UAP1L1: variants seen among roughly 807,000 people sequenced by gnomAD.
The protein encoded by UAP1L1 is UDP-N-acetylglucosamine pyrophosphorylase 1 like 1.
A neutral mutation model predicts 45.3 loss-of-function variants in UAP1L1; 45 were observed. That is an observed-to-expected ratio of 0.99 (90% CI 0.78 to 1.27). UAP1L1 has a LOEUF of 1.27. Ranked by LOEUF, UAP1L1 falls within the 50% of genes most tolerant of loss-of-function variation. The pLI is 0.00. For missense variants in UAP1L1, 667 were observed against 694.0 expected (o/e 0.96, Z 0.44); for synonymous variants, 323 against 303.9 (o/e 1.06, Z -0.65).
At position 137,077,720 on chromosome 9, in the gene UAP1L1, C is replaced by A. The variant is rs1339238924; in HGVS notation, c.188C>A (p.Pro63Gln). 1 of 1,166,934 alleles carries A rather than the reference C, an allele frequency of 8.6e-7. No homozygotes were observed. The highest frequency in any genetic ancestry group is 4.2e-5 in the South Asian group (1 of 23,876). 72.3% of individuals were successfully genotyped at this position (1,166,934 alleles called of 1,614,324 possible). The change falls in exon 1 of 9, where the codon CCG (proline) becomes CAG (glutamine). Residue 63 changes from proline to glutamine, a missense_variant. Transcript: ENST00000409858. This position sits in a 1 kb window ranked among gnomAD's most constrained non-coding sequence, Gnocchi z 4.7. ...AAEACARPHGPPPDLAARLRP... is the reference protein window; with the variant it reads ...AAEACARPHGQPPDLAARLRP... ...GAGGCCTGCGCGCGCCCCCACGGCC[C>A]GCCGCCCGACTTGGCCGCGCGCCTG...
In UAP1L1 at chr9:137,077,866, C is replaced by T; in HGVS notation, c.289+45C>T. The T allele has an allele frequency of 2.1e-6, 3 of 1,436,974 alleles. No individual in the cohort carries two copies. The highest frequency in any genetic ancestry group is 2.7e-6 in the Non-Finnish European group (3 of 1,099,252). The allele number at this position is 1,436,974 out of a possible 1,614,324, so 89.0% of individuals were successfully genotyped here. ...CTGGGGGCCGGCAGGGGGTCGTGCC[C>T]ACGGAGCGGGTGGGAACCGAGGCCG... is the stretch of plus-strand genomic sequence containing the variant. On this transcript the variant is annotated intron_variant, in intron 1 of 8. Transcript: ENST00000409858. The surrounding 1 kb of genome is among the most constrained non-coding windows in gnomAD (Gnocchi z 4.7).
chr9:137,078,413 C>A, intron 2 of UAP1L1, 89 bp from the exon 3 acceptor site: 1 of 1,602,872 alleles, frequency 6.2e-7, no homozygotes, highest in Non-Finnish European at 8.5e-7. Flanking sequence ...GACACTGGAC[C>A]CCGAACCCCG....
In UAP1L1 at chr9:137,078,000, G is replaced by A. The variant is rs953119081; in HGVS notation, c.290-50G>A. The A allele has an allele frequency of 2.6e-6, 4 of 1,540,198 alleles. No individual in the cohort carries two copies. Among genetic ancestry groups the A allele is most frequent in the Non-Finnish European group, 3.5e-6 (4 of 1,146,712 alleles). On this transcript the variant is annotated intron_variant, in intron 1 of 8. Coordinates refer to ENST00000409858, the MANE Select transcript of UAP1L1 (RefSeq NM_207309.3). This position sits in a 1 kb window ranked among gnomAD's most constrained non-coding sequence, Gnocchi z 4.7. Reference sequence around the variant, plus strand: ...CCCCAGAGTTGGTTTCCCCTAAAGCGGAAGGGTGGGCGGGTCCCGGGCGTC... The same window carrying A: ...CCCCAGAGTTGGTTTCCCCTAAAGCAGAAGGGTGGGCGGGTCCCGGGCGTC...
intron 6 of UAP1L1, 52 bp from the exon 7 acceptor site, chr9:137,080,637 C>G: frequency 6.5e-7 from 1 of 1,547,540 alleles, no homozygotes; most frequent in South Asian, 1.2e-5. Flanking sequence ...CTCACCTGCC[C>G]GGATCAGGGC....
At chr9:137,080,278 A>G in intron 6 of UAP1L1, 136 bp downstream of exon 6, 1 of 1,166,064 alleles carries the variant, frequency 8.6e-7, no homozygotes. Flanking sequence ...GGAGAAGACC[A>G]GAGGGTGCTC....
At chr9:137,078,406 A>C (rs1431313505) in intron 2 of UAP1L1, 96 bp from the exon 3 acceptor site, 1 of 1,599,274 alleles carries the variant, frequency 6.3e-7, no homozygotes, top group Admixed American at 1.7e-5. Flanking sequence ...CCAACTGGAC[A>C]CTGGACCCCG....
intron 5 of UAP1L1, 198 bp downstream of exon 5, chr9:137,079,647 A>C: frequency 1.6e-6 from 1 of 609,240 alleles, no homozygotes; most frequent in Non-Finnish European, 2.8e-6. Flanking sequence ...GATCAGGCAC[A>C]AGCCGTGCTC....
rs1288108435 is a variant in UAP1L1 at position 137,078,108 on chromosome 9, C to T, written c.348C>T (p.Gly116=). The part of the protein sequence containing the change: ...VAVLLLAGGQ[G]TRLGVTYPKG... The stretch of plus-strand genomic sequence containing the variant: ...TCCTGCTGCTGGCTGGGGGGCAGGG[C>T]ACTCGCCTGGGCGTGACCTACCCCA... Residue 116 remains glycine (G), a synonymous_variant, in exon 2 of 9, where the codon GGC becomes GGT. Transcript: ENST00000409858. 6.5e-7 allele frequency: 1 copy of T among 1,550,210 alleles called. No homozygotes were observed. Among genetic ancestry groups the T allele is most frequent in the Admixed American group, 2.0e-5 (1 of 51,010 alleles).
Position 137,082,790 on chromosome 9 carries a change from C to A in UAP1L1, c.*61C>A. The A allele has an allele frequency of 7.2e-7, 1 of 1,391,136 alleles. No homozygotes were observed. Among genetic ancestry groups the A allele is most frequent in the South Asian group, 1.2e-5 (1 of 80,616 alleles). 86.2% of individuals were successfully genotyped at this position (1,391,136 alleles called of 1,614,324 possible). A position where few individuals can be genotyped will look rare whatever the true frequency, so the allele number is the denominator to read the frequency against. On this transcript the variant is annotated 3_prime_UTR_variant, in exon 9 of 9. Coordinates refer to ENST00000409858, the MANE Select transcript of UAP1L1 (RefSeq NM_207309.3). This position sits in a 1 kb window ranked among gnomAD's most constrained non-coding sequence, Gnocchi z 5.7. ...GCCAGCCCCGGCATCCTGGAAGTCC[C>A]GACTCCCCCCAGACCTGCCAGCCCC...
At position 137,081,992 on chromosome 9, in the gene UAP1L1, C is replaced by A. The variant is rs775925587; in HGVS notation, c.1365-6C>A. 6.2e-7 allele frequency: 1 copy of A among 1,613,962 alleles called. No homozygotes were observed. Among genetic ancestry groups the A allele is most frequent in the Non-Finnish European group, 8.5e-7 (1 of 1,179,968 alleles). The stretch of plus-strand genomic sequence containing the variant: ...AAGGAGATATTGACAAGTGGACTTT[C>A]CCTAGCTTGCCCCCAAATGGAGACC... On this transcript the variant is annotated splice_region_variant and splice_polypyrimidine_tract_variant and intron_variant, in intron 7 of 8. Transcript: ENST00000409858.
chr9:137,080,900 A>G, intron 7 of UAP1L1, 26 bp downstream of exon 7: 1 of 1,537,852 alleles, frequency 6.5e-7, no homozygotes, highest in South Asian at 1.2e-5. Flanking sequence ...GGGTAGCTAC[A>G]GCCAGAAGGG....
At chr9:137,079,592 G>A in intron 5 of UAP1L1, 143 bp downstream of exon 5, 3 of 760,550 alleles carry the variant, frequency 3.9e-6, no homozygotes, top group South Asian at 1.8e-5. Flanking sequence ...CTGATGGGTC[G>A]GGGTGGAGAA....
intron 5 of UAP1L1, 68 bp downstream of exon 5, chr9:137,079,517 TC>T: frequency 6.8e-7 from 1 of 1,480,460 alleles, no homozygotes; most frequent in Non-Finnish European, 9.1e-7. Flanking sequence ...ACCCGCGGGG[TC>T]CCAGTGAGCT....
intron 6 of UAP1L1, 110 bp downstream of exon 6, chr9:137,080,252 C>T (rs537135298): frequency 3.8e-5 from 55 of 1,428,792 alleles, no homozygotes; most frequent in East Asian, 1.4e-4. Flanking sequence ...CCAAGGGCCC[C>T]GCGGGCAAGT....
chr9:137,078,830 T>C, intron 3 of UAP1L1, 146 bp from the exon 4 acceptor site: 1 of 1,306,298 alleles, frequency 7.7e-7, no homozygotes, highest in Non-Finnish European at 1.0e-6. Flanking sequence ...ATTTGTCACA[T>C]GGTACACCAA....
In UAP1L1 at chr9:137,078,188, C is replaced by A. The variant is rs1294874330; in HGVS notation, c.428C>A (p.Ala143Glu). Residue 143 changes from alanine (A) to glutamate (E), a missense_variant, in exon 2 of 9, where the codon GCG becomes GAG. Coordinates refer to ENST00000409858, the MANE Select transcript of UAP1L1 (RefSeq NM_207309.3). ...CGGAAGACCCTGTACCAGCTGCAGG[C>A]GGAGCGGATTCGGCGGGTGGAGCAG... ...PSRKTLYQLQAERIRRVEQLA... is the reference protein window; with the variant it reads ...PSRKTLYQLQEERIRRVEQLA... 1 of 1,549,832 alleles carries A rather than the reference C, an allele frequency of 6.5e-7. No homozygotes were observed. Among genetic ancestry groups the A allele is most frequent in the Admixed American group, 2.0e-5 (1 of 50,996 alleles).
intron 7 of UAP1L1, 39 bp downstream of exon 7, chr9:137,080,913 G>C (rs1450959764): frequency 2.7e-6 from 4 of 1,501,380 alleles, no homozygotes; most frequent in African/African-American, 1.4e-5. Context: ...CAGAAGGGGA[G>C]GGCTGTCAGG....
chr9:137,080,555 CG>C, intron 6 of UAP1L1, 133 bp from the exon 7 acceptor site: 2 of 866,722 alleles, frequency 2.3e-6, no homozygotes, highest in Non-Finnish European at 3.6e-6. Flanking sequence ...TCAGTACCTG[CG>C]GGGGCTCCTC....
chr9:137,082,926 C>G lies in UAP1L1; in HGVS notation c.*197C>G, dbSNP rs994632761. Reference sequence around the variant, plus strand: ...GAATGAAACATGCTGGTAGACTCCACGAGGGCAGGGCCTCTCCTGTCGCCT... The same window carrying G: ...GAATGAAACATGCTGGTAGACTCCAGGAGGGCAGGGCCTCTCCTGTCGCCT... On this transcript the variant is annotated 3_prime_UTR_variant, in exon 9 of 9. Coordinates refer to ENST00000409858, the MANE Select transcript of UAP1L1 (RefSeq NM_207309.3). This position sits in a 1 kb window ranked among gnomAD's most constrained non-coding sequence, Gnocchi z 5.7. The G allele has an allele frequency of 1.7e-6, 1 of 572,598 alleles. No individual in the cohort carries two copies. Among genetic ancestry groups the G allele is most frequent in the Non-Finnish European group, 3.1e-6 (1 of 318,112 alleles). The allele number at this position is 572,598 out of a possible 1,614,324, so 35.5% of individuals were successfully genotyped here.
Sources: gnomAD v4.1 joint callset for allele counts on GRCh38, gnomAD v4.1.1 for gene constraint, Gnocchi (gnomAD v3.1) non-coding constraint, MANE v1.5 for transcripts, NCBI Gene and HGNC (gene_info 2026-07-23, HGNC 2026-07-21) for gene names.